CPE: variants seen among roughly 807,000 people sequenced by gnomAD.
CPE encodes carboxypeptidase E.
Under a neutral mutation model 53.5 loss-of-function variants are expected in CPE, and 17 were observed. The ratio of observed to expected loss-of-function variants is 0.32; its 90% CI spans 0.22 to 0.48. The LOEUF (loss-of-function observed/expected upper bound fraction) is 0.48. Among genes scored for constraint, CPE ranks in the 20% least tolerant of loss-of-function variants. The pLI is 0.99. For missense variants in CPE, 524 were observed against 614.7 expected, an observed-to-expected ratio of 0.85 and a Z score of 1.56; for synonymous variants, 226 against 228.8, an observed-to-expected ratio of 0.99 and a Z score of 0.11.
chr4:165,396,882 G>A (rs1201951125), intron 1 of CPE, among the ~76,000 whole-genome samples: 4 of 122,162 alleles, frequency 3.3e-5, no homozygotes, highest in East Asian at 2.5e-4. Flanking sequence ...AAACCCTGTC[G>A]CCACAAAAAA....
At chr4:165,413,629 A>AT (rs1214393644) in intron 1 of CPE, among the ~76,000 whole-genome samples, 1 of 152,200 alleles carries the variant, frequency 6.6e-6, no homozygotes, top group African/African-American at 2.4e-5. Context: ...AGGATAACTA[A>AT]AATGCTTTGG....
chr4:165,416,509 G>A (rs951242093), intron 1 of CPE, among the ~76,000 whole-genome samples: 50 of 152,078 alleles, frequency 3.3e-4, no homozygotes, highest in Non-Finnish European at 6.9e-4. Flanking sequence ...AATCATCAAA[G>A]GGAGAATATG....
At chr4:165,385,222 G>A (rs1730570479) in intron 1 of CPE, among the ~76,000 whole-genome samples, 1 of 152,124 alleles carries the variant, frequency 6.6e-6, no homozygotes, top group Non-Finnish European at 1.5e-5. Context: ...ATGCTAATTT[G>A]TAAATATTCT....
chr4:165,411,254 A>G (rs1157970465), intron 1 of CPE, among the ~76,000 whole-genome samples: 1 of 152,230 alleles, frequency 6.6e-6, no homozygotes, highest in Non-Finnish European at 1.5e-5. Context: ...GAGAGGTGCT[A>G]TTAGTACTTG....
At chr4:165,464,709 G>T in intron 2 of CPE, 123 bp downstream of exon 2, 2 of 722,504 alleles carry the variant, frequency 2.8e-6, no homozygotes, top group East Asian at 3.0e-5. Context: ...GAGGGCATAA[G>T]TGATGCATTC....
intron 1 of CPE, among the ~76,000 whole-genome samples, chr4:165,434,332 A>G (rs1425279625): frequency 1.3e-5 from 2 of 152,174 alleles, no homozygotes; most frequent in South Asian, 2.1e-4. Context: ...ATTTTCATCT[A>G]TAATGTGAAC....
intron 1 of CPE, chr4:165,415,208 A>G (rs1731102566): frequency 6.0e-6 from 1 of 166,974 alleles, no homozygotes; most frequent in South Asian, 2.1e-4. Flanking sequence ...CATGGCAGTG[A>G]GTTAATCTAT....
At chr4:165,401,045 T>C (rs1730858560) in intron 1 of CPE, among the ~76,000 whole-genome samples, 1 of 147,500 alleles carries the variant, frequency 6.8e-6, no homozygotes, top group African/African-American at 2.6e-5. Context: ...TTACTTGACC[T>C]TATTTGATTT....
intron 3 of CPE, among the ~76,000 whole-genome samples, chr4:165,471,911 T>C (rs1328718287): frequency 1.3e-5 from 2 of 152,230 alleles, no homozygotes; most frequent in Non-Finnish European, 2.9e-5. Context: ...CAATTGTGCC[T>C]TGTTGCAAAA....
chr4:165,438,607 T>C (rs942008893), intron 1 of CPE, among the ~76,000 whole-genome samples: 13 of 152,106 alleles, frequency 8.5e-5, no homozygotes, highest in African/African-American at 2.7e-4. Context: ...GAAAGACAAA[T>C]GGATAATTTG....
chr4:165,430,696 A>G (rs1731396043), intron 1 of CPE, among the ~76,000 whole-genome samples: 1 of 152,218 alleles, frequency 6.6e-6, no homozygotes, highest in Admixed American at 6.5e-5. Context: ...AAATGCAAAA[A>G]GAAAATTATT....
intron 1 of CPE, among the ~76,000 whole-genome samples, chr4:165,435,977 G>C (rs541661440): frequency 6.6e-6 from 1 of 152,036 alleles, no homozygotes; most frequent in Non-Finnish European, 1.5e-5. Flanking sequence ...GCCAGGGCTT[G>C]GTTTCTTGGT....
intron 3 of CPE, among the ~76,000 whole-genome samples, chr4:165,473,384 T>C (rs1403832691): frequency 1.3e-5 from 2 of 152,260 alleles, no homozygotes; most frequent in African/African-American, 2.4e-5. Flanking sequence ...ATTTTCTTTC[T>C]GTTAGGAAGT....
chr4:165,429,360 CA>C (rs1227756822), intron 1 of CPE, among the ~76,000 whole-genome samples: 5 of 152,152 alleles, frequency 3.3e-5, no homozygotes, highest in Non-Finnish European at 7.4e-5. Flanking sequence ...CAAGTTTATA[CA>C]AAAACATTCC....
chr4:165,379,930 C>A lies in CPE; in HGVS notation c.307+402C>A, dbSNP rs927126936. ...AAACCCAAAGGAATGATTGCGAGTC[C>A]CCCGCAAGGGGGGTTGGTCTTCCTT... is the stretch of plus-strand genomic sequence containing the variant. On this transcript the variant is annotated intron_variant, in intron 1 of 8. Coordinates refer to ENST00000402744, the MANE Select transcript of CPE (RefSeq NM_001873.4). The surrounding 1 kb of genome is among the most constrained non-coding windows in gnomAD (Gnocchi z 6.0). Among the ~76,000 whole-genome samples the A allele has an allele frequency of 3.9e-5, 6 of 152,198 alleles. No individual in the cohort carries two copies. The highest frequency in any genetic ancestry group is 2.6e-4 in the Admixed American group (4 of 15,284).
In CPE at chr4:165,382,433, A is replaced by G. The variant is rs112121377; in HGVS notation, c.307+2905A>G. Among the ~76,000 whole-genome samples the G allele has an allele frequency of 2.5e-3, 383 of 152,366 alleles. 3 individuals are homozygous for G. Among genetic ancestry groups the G allele is most frequent in the African/African-American group, 8.8e-3 (367 of 41,582 alleles). On this transcript the variant is annotated intron_variant, in intron 1 of 8. Transcript: ENST00000402744. ...AACCTTTCTGATTCAGCTTTAGGAAATAATATTGAACTTAAGAAATGTGTT... is the reference window on the plus strand; with the variant it reads ...AACCTTTCTGATTCAGCTTTAGGAAGTAATATTGAACTTAAGAAATGTGTT...
chr4:165,395,234 C>T (rs1054374156), intron 1 of CPE, among the ~76,000 whole-genome samples: 10 of 151,968 alleles, frequency 6.6e-5, no homozygotes, highest in African/African-American at 1.9e-4. Flanking sequence ...GATAATTTCA[C>T]GGTTAATTTG....
chr4:165,410,813 G>A (rs1258211200), intron 1 of CPE, among the ~76,000 whole-genome samples: 1 of 143,624 alleles, frequency 7.0e-6, no homozygotes, highest in Admixed American at 7.1e-5. Context: ...ATTTAGGAAG[G>A]CAGAAAGACT....
rs148051972 is a variant in CPE at position 165,385,112 on chromosome 4, G to A, written c.307+5584G>A. ...TTCCTTGTGTATGACAAGGGAATAC[G>A]TTAAGAACACAGAACTCACAGGATC... On this transcript the variant is annotated intron_variant, in intron 1 of 8. Coordinates refer to ENST00000402744, the MANE Select transcript of CPE (RefSeq NM_001873.4). 4.7e-3 allele frequency among the ~76,000 whole-genome samples: 720 copies of A among 152,248 alleles called. 3 individuals carry two copies. The highest frequency in any genetic ancestry group is 6.8e-3 in the Middle Eastern group (2 of 294).
Sources: gnomAD v4.1 joint callset for allele counts (sites outside exome capture counted in the v4.1 genomes callset) on GRCh38, gnomAD v4.1.1 for gene constraint, Gnocchi (gnomAD v3.1) non-coding constraint, MANE v1.5 for transcripts, NCBI Gene and HGNC (gene_info 2026-07-23, HGNC 2026-07-21) for gene names.